FAAH2: variants seen among roughly 807,000 people sequenced by gnomAD.
FAAH2 encodes fatty acid amide hydrolase 2.
A neutral mutation model predicts 36.9 loss-of-function variants in FAAH2; 60 were observed. The ratio of observed to expected loss-of-function variants is 1.63; its 90% CI spans 1.32 to 2.02. The LOEUF is 2.02. Among genes scored for constraint, FAAH2 ranks in the 30% most tolerant of loss-of-function variants. FAAH2 has a pLI of 0.00. For missense variants in FAAH2, 689 were observed against 397.5 expected (o/e 1.73, Z -6.23); for synonymous variants, 214 against 143.8 (o/e 1.49, Z -3.49).
chrX:57,199,117 T>A, the FAAH2 span, among the ~76,000 whole-genome samples: 1 of 111,525 alleles, frequency 9.0e-6, no homozygotes, highest in East Asian at 2.8e-4. Context: ...TACTCCTGCC[T>A]CTTGTTCACT....
chrX:57,477,161 C>G (rs369942478), intron 10 of FAAH2, among the ~76,000 whole-genome samples: 1 of 110,249 alleles, frequency 9.1e-6, no homozygotes. Context: ...TTCCTGGAGT[C>G]ATTGATTTTT....
the FAAH2 span, among the ~76,000 whole-genome samples, chrX:57,167,286 G>A: frequency 9.0e-6 from 1 of 111,686 alleles, no homozygotes; most frequent in African/African-American, 3.3e-5. Flanking sequence ...ACTCACATGG[G>A]ACCATCCCAG....
intron 7 of FAAH2, among the ~76,000 whole-genome samples, chrX:57,381,316 C>A (rs1400869075): frequency 9.0e-6 from 1 of 111,504 alleles, no homozygotes; most frequent in Non-Finnish European, 1.9e-5. Flanking sequence ...TCCAGTGATT[C>A]TCCTATGCTA....
rs765951782 is a variant in FAAH2 at position 57,292,563 on chromosome X, T to C, written c.258T>C (p.Asn86=). 8 of 1,209,341 alleles carry C rather than the reference T, an allele frequency of 6.6e-6. No individual in the cohort carries two copies. The East Asian group carries it at 2.4e-4, about 36-fold the overall frequency. ...TCAAGGACGTGAACCCAATGATCAA[T>C]GGAATTGTCAAGTACAGGTGAGCAT... ...NRIKDVNPMI[N]GIVKYRFEEA... Residue 86 remains asparagine (N), a synonymous_variant, in exon 2 of 11, where the codon AAT becomes AAC. Coordinates refer to ENST00000374900, the MANE Select transcript of FAAH2 (RefSeq NM_174912.4).
intron 4 of FAAH2, among the ~76,000 whole-genome samples, chrX:57,340,379 G>A (rs1367581513): frequency 1.8e-5 from 2 of 111,623 alleles, no homozygotes; most frequent in East Asian, 2.8e-4. Context: ...ACACACCCAG[G>A]AAGAATACTT....
At chrX:57,159,692 T>C in the FAAH2 span, among the ~76,000 whole-genome samples, 1 of 112,188 alleles carries the variant, frequency 8.9e-6, no homozygotes, top group East Asian at 2.8e-4. Context: ...TGATTTTGTA[T>C]CCTGAGACTT....
chrX:57,279,303 G>A, the FAAH2 span, among the ~76,000 whole-genome samples: 1 of 112,206 alleles, frequency 8.9e-6, no homozygotes, highest in Non-Finnish European at 1.9e-5. Flanking sequence ...TCCTTTGCAG[G>A]GACATGGATG....
intron 3 of FAAH2, among the ~76,000 whole-genome samples, chrX:57,311,762 C>T (rs1358813505): frequency 8.9e-6 from 1 of 112,009 alleles, no homozygotes; most frequent in Non-Finnish European, 1.9e-5. Context: ...CCCCTGCAGC[C>T]CAACCTCAGT....
rs750979828 is a variant in FAAH2, at chrX:57,472,923, G to GT, written c.1424-15828dup. On this transcript the variant is annotated intron_variant, in intron 10 of 10. Coordinates refer to ENST00000374900, the MANE Select transcript of FAAH2 (RefSeq NM_174912.4). ...TTTGAATCTTCTCTGCTTCTTTTTT[G>GT]TTTTTTCATTAGTCCTGCTAGGGGT... Among the ~76,000 whole-genome samples, 6 of 110,234 alleles carry GT rather than the reference G, an allele frequency of 5.4e-5. No individual in the cohort carries two copies. In the East Asian group the frequency reaches 1.4e-3, roughly 26 times the overall value.
In FAAH2 at chrX:57,310,008, G is replaced by A. The variant is rs146475019; in HGVS notation, c.276-585G>A. Among the ~76,000 whole-genome samples the A allele has an allele frequency of 2.0e-4, 22 of 112,222 alleles. No homozygotes were observed. The East Asian group carries it at 3.6e-3, about 19-fold the overall frequency. On this transcript the variant is annotated intron_variant, in intron 2 of 10. Transcript: ENST00000374900. ...TAGGTCTTTGAAGAATTGTCACACC[G>A]TTTTTCACAATGGTTGAACTAATTT...
At chrX:57,280,259 A>G in the FAAH2 span, among the ~76,000 whole-genome samples, 1 of 110,557 alleles carries the variant, frequency 9.0e-6, no homozygotes, top group Non-Finnish European at 1.9e-5. Context: ...ATTTACACGG[A>G]TATGCTAAGA....
intron 7 of FAAH2, among the ~76,000 whole-genome samples, chrX:57,400,530 T>A (rs1212574430): frequency 1.8e-5 from 2 of 112,373 alleles, no homozygotes; most frequent in Non-Finnish European, 3.8e-5. Flanking sequence ...CTGCTTCAGG[T>A]GTCCATCTTA....
At chrX:57,359,763 C>G (rs1274102098) in intron 5 of FAAH2, among the ~76,000 whole-genome samples, 1 of 110,999 alleles carries the variant, frequency 9.0e-6, no homozygotes, top group Admixed American at 9.7e-5. Flanking sequence ...GCGTATTTAC[C>G]TCTACCAGAG....
At chrX:57,257,547 G>A in the FAAH2 span, among the ~76,000 whole-genome samples, 1 of 109,644 alleles carries the variant, frequency 9.1e-6, no homozygotes, top group Non-Finnish European at 1.9e-5. Flanking sequence ...CTGTCGGGGG[G>A]TGGGGGTCTA....
intron 3 of FAAH2, among the ~76,000 whole-genome samples, chrX:57,325,724 C>T (rs1295504190): frequency 1.4e-5 from 1 of 69,993 alleles, no homozygotes; most frequent in African/African-American, 5.5e-5. Context: ...TGATTATTCT[C>T]TTTTTTCTTC....
At chrX:57,425,693 T>A (rs768199495) in intron 7 of FAAH2, among the ~76,000 whole-genome samples, 1 of 111,844 alleles carries the variant, frequency 8.9e-6, no homozygotes, top group Non-Finnish European at 1.9e-5. Context: ...ATACTCGTTC[T>A]ACAGGAAATG....
the FAAH2 span, among the ~76,000 whole-genome samples, chrX:57,252,136 T>C: frequency 8.9e-6 from 1 of 112,529 alleles, no homozygotes; most frequent in African/African-American, 3.2e-5. Context: ...CAATCTGAGA[T>C]TAACCTGGGA....
chrX:57,391,253 C>A (rs1388368969), intron 7 of FAAH2, among the ~76,000 whole-genome samples: 1 of 111,116 alleles, frequency 9.0e-6, no homozygotes, highest in Non-Finnish European at 1.9e-5. Flanking sequence ...CAAATATTTT[C>A]TTCTCTTCTG....
intron 7 of FAAH2, among the ~76,000 whole-genome samples, chrX:57,391,368 G>A (rs1439096181): frequency 2.7e-5 from 3 of 110,834 alleles, no homozygotes; most frequent in African/African-American, 9.8e-5. Flanking sequence ...TGCTTTTGAG[G>A]TCTTAGTCAT....
Sources: gnomAD v4.1 joint callset for allele counts (sites outside exome capture counted in the v4.1 genomes callset) on GRCh38, gnomAD v4.1.1 for gene constraint, MANE v1.5 for transcripts, NCBI Gene and HGNC (gene_info 2026-07-23, HGNC 2026-07-21) for gene names.